SNTG1: variants seen among roughly 807,000 people sequenced by gnomAD.
SNTG1 encodes gamma-1-syntrophin.
A neutral mutation model predicts 74.7 loss-of-function variants in SNTG1; 39 were observed. That is an observed-to-expected ratio of 0.52 (90% CI 0.40 to 0.68). SNTG1 has a LOEUF of 0.68. Ranked by LOEUF, SNTG1 falls within the 30% of genes least tolerant of loss-of-function variation. SNTG1 has a pLI of 0.00. For synonymous variants in SNTG1, 254 were observed against 217.1 expected, an observed-to-expected ratio of 1.17 and a Z score of -1.49; for missense variants, 685 against 609.5, an observed-to-expected ratio of 1.12 and a Z score of -1.30.
chr8:49,950,145 A>T (rs150370238), intron 1 of SNTG1, among the ~76,000 whole-genome samples: 1 of 152,312 alleles, frequency 6.6e-6, no homozygotes, highest in East Asian at 1.9e-4. Context: ...ATCAATAAAA[A>T]AAAATAATTA....
rs929647569 is a variant in SNTG1 at position 50,698,724 on chromosome 8, G to A, written c.1039-5876G>A. ...GTTCTGTTGTAGGTTCCAAGGTCTC[G>A]GGAAGTGCATGGGACACTTCCCAGA... On this transcript the variant is annotated intron_variant, in intron 15 of 18. Transcript: ENST00000642720. Among the ~76,000 whole-genome samples the A allele has an allele frequency of 5.3e-5, 8 of 152,184 alleles. No homozygotes were observed. In the East Asian group the frequency reaches 9.7e-4, roughly 18 times the overall value.
intron 1 of SNTG1, among the ~76,000 whole-genome samples, chr8:50,023,397 G>C (rs921726638): frequency 6.6e-6 from 1 of 152,010 alleles, no homozygotes; most frequent in African/African-American, 2.4e-5. Flanking sequence ...TCATCAAGAA[G>C]GGCAGATTTA....
intron 2 of SNTG1, among the ~76,000 whole-genome samples, chr8:50,215,519 ATTAGT>A (rs1327743890): frequency 1.3e-5 from 2 of 149,128 alleles, no homozygotes; most frequent in Admixed American, 6.7e-5. Flanking sequence ...AAAGGTTGAG[ATTAGT>A]TTAAGATATC....
intron 13 of SNTG1, among the ~76,000 whole-genome samples, chr8:50,635,266 T>C (rs2095031501): frequency 1.3e-5 from 2 of 152,080 alleles, no homozygotes; most frequent in African/African-American, 2.4e-5. Context: ...ACAACTTTAG[T>C]TTGGCCAACA....
At chr8:50,534,785 A>G (rs1449871846) in intron 10 of SNTG1, among the ~76,000 whole-genome samples, 8 of 152,156 alleles carry the variant, frequency 5.3e-5, no homozygotes, top group Admixed American at 4.6e-4. Flanking sequence ...AAAAACTAAA[A>G]ATAAAAAAAC....
chr8:50,149,832 T>C (rs1486622517), intron 1 of SNTG1, among the ~76,000 whole-genome samples: 4 of 152,098 alleles, frequency 2.6e-5, no homozygotes, highest in African/African-American at 9.7e-5. Context: ...ATCGTGATGC[T>C]TCCAGCTTTG....
intron 1 of SNTG1, among the ~76,000 whole-genome samples, chr8:50,106,077 C>T (rs867757400): frequency 3.3e-5 from 5 of 151,960 alleles, no homozygotes; most frequent in East Asian, 1.9e-4. Context: ...TTAGTCTATT[C>T]GTACACTGCT....
At chr8:50,255,047 GTATT>G (rs2086819956) in intron 2 of SNTG1, among the ~76,000 whole-genome samples, 1 of 142,702 alleles carries the variant, frequency 7.0e-6, no homozygotes, top group Non-Finnish European at 1.5e-5. Flanking sequence ...CTTTCTGAAA[GTATT>G]TATCACTGTG....
intron 16 of SNTG1, among the ~76,000 whole-genome samples, 191 bp downstream of exon 16, chr8:50,704,943 C>A (rs912712527): frequency 1.3e-5 from 2 of 152,106 alleles, no homozygotes; most frequent in Non-Finnish European, 2.9e-5. Flanking sequence ...AATTTTTCCA[C>A]GACTTGATCT....
intron 2 of SNTG1, among the ~76,000 whole-genome samples, chr8:50,231,358 T>C: frequency 6.6e-6 from 1 of 151,422 alleles, no homozygotes; most frequent in African/African-American, 2.4e-5. Context: ...AGTTACCATA[T>C]GATCCAGCAA....
rs2094497018 is a variant in SNTG1 at position 50,563,027 on chromosome 8, C to T, written c.810+9848C>T. Among the ~76,000 whole-genome samples the T allele has an allele frequency of 2.0e-5, 3 of 152,134 alleles. No homozygotes were observed. The South Asian group carries it at 6.2e-4, about 32-fold the overall frequency. On this transcript the variant is annotated intron_variant, in intron 12 of 18. Transcript: ENST00000642720. ...CATGGCTAGAAGCTTTCAAATATCA[C>T]AGGAAACCAGGAGGGAGAAGCCACA...
intron 1 of SNTG1, among the ~76,000 whole-genome samples, chr8:50,030,597 A>G (rs1305924263): frequency 1.3e-5 from 2 of 152,052 alleles, no homozygotes; most frequent in Non-Finnish European, 2.9e-5. Flanking sequence ...TTTATGGAAC[A>G]GACTATCATT....
intron 11 of SNTG1, among the ~76,000 whole-genome samples, chr8:50,539,241 C>A (rs2094328758): frequency 6.6e-6 from 1 of 152,108 alleles, no homozygotes; most frequent in Non-Finnish European, 1.5e-5. Flanking sequence ...CAAAATCATC[C>A]TAGACTTTTT....
At chr8:50,034,357 G>C (rs1044275589) in intron 1 of SNTG1, among the ~76,000 whole-genome samples, 2 of 152,200 alleles carry the variant, frequency 1.3e-5, no homozygotes, top group East Asian at 3.9e-4. Context: ...TCTTAGACTT[G>C]TTAACTGGTG....
chr8:50,237,833 G>T lies in SNTG1; in HGVS notation c.-28+65198G>T, dbSNP rs139307704. 1.5e-4 allele frequency among the ~76,000 whole-genome samples: 23 copies of T among 151,998 alleles called. No individual in the cohort carries two copies. The East Asian group carries it at 3.7e-3, about 24-fold the overall frequency. On this transcript the variant is annotated intron_variant, in intron 2 of 18. Coordinates refer to ENST00000642720, the MANE Select transcript of SNTG1 (RefSeq NM_018967.5). ...TCTTCTTTTATAAGAGATTTTAAGGGTTATACATTACTTGTCCTGAAATTA... is the reference window on the plus strand; with the variant it reads ...TCTTCTTTTATAAGAGATTTTAAGGTTTATACATTACTTGTCCTGAAATTA...
intron 2 of SNTG1, among the ~76,000 whole-genome samples, chr8:50,173,068 C>A (rs1586581642): frequency 6.7e-6 from 1 of 149,628 alleles, no homozygotes; most frequent in South Asian, 2.1e-4. Flanking sequence ...AGGGCAGACA[C>A]TCAACAATGG....
chr8:50,445,770 G>C (rs1158144105), intron 5 of SNTG1, among the ~76,000 whole-genome samples: 2 of 152,162 alleles, frequency 1.3e-5, no homozygotes, highest in African/African-American at 2.4e-5. Context: ...GTCCCGCCCA[G>C]GAGTGCCTTG....
At chr8:50,111,786 G>A (rs535731997) in intron 1 of SNTG1, among the ~76,000 whole-genome samples, 25 of 152,068 alleles carry the variant, frequency 1.6e-4, no homozygotes, top group Non-Finnish European at 3.4e-4. Context: ...ATGGGACATG[G>A]AGAATAACTC....
At chr8:50,724,662 T>C (rs905796633) in intron 17 of SNTG1, among the ~76,000 whole-genome samples, 2 of 152,158 alleles carry the variant, frequency 1.3e-5, no homozygotes, top group African/African-American at 4.8e-5. Flanking sequence ...TTTGTTGAGA[T>C]GCAATTATGA....
Sources: allele counts gnomAD v4.1 joint callset (sites outside exome capture counted in the v4.1 genomes callset), GRCh38; gene constraint gnomAD v4.1.1; transcripts MANE v1.5; gene names NCBI Gene and HGNC (gene_info 2026-07-23, HGNC 2026-07-21).